Variants in SLC26A8 observed in about 807,000 individuals in gnomAD.
The protein encoded by SLC26A8 is solute carrier family 26 member 8, also known as testis anion transporter 1.
Under a neutral mutation model 105.0 loss-of-function variants are expected in SLC26A8, and 70 were observed. That is an observed-to-expected ratio of 0.67 (90% confidence interval 0.55 to 0.81). The LOEUF (loss-of-function observed/expected upper bound fraction) is 0.81, where lower values mean the gene tolerates loss of function less well. SLC26A8 is among the 40% of genes least tolerant of loss of function. SLC26A8 has a pLI of 0.00. For missense variants in SLC26A8, 998 were observed against 1,181.8 expected (o/e 0.84, Z 2.28); for synonymous variants, 415 against 438.3 (o/e 0.95, Z 0.66).
At chr6:35,998,800 G>A (rs539813464) in intron 4 of SLC26A8, among the ~76,000 whole-genome samples, 1 of 152,206 alleles carries the variant, frequency 6.6e-6, no homozygotes, top group South Asian at 2.1e-4. Context: ...TCAGAAACTT[G>A]GAAATATAGG....
At position 35,955,166 on chromosome 6, in the gene SLC26A8, C is replaced by T; in HGVS notation, c.2218G>A (p.Val740Ile). 1.2e-6 allele frequency: 2 copies of T among 1,614,118 alleles called. No individual in the cohort carries two copies. Among genetic ancestry groups the T allele is most frequent in the Non-Finnish European group, 1.7e-6 (2 of 1,180,026 alleles). ...TCAGTACTTACCTGTCTTAATACGA[C>T]TAACCCCCGTGAATCCACGTAGTGT... ...MVHYVDSRGL[V>I]VLRQICNAFQ... Residue 740 changes from valine to isoleucine, a missense_variant, in exon 17 of 20, where the codon GTC becomes ATC. Val to Ile is a conservative substitution (Grantham distance 29, BLOSUM62 3). Transcript: ENST00000490799.
At chr6:35,948,914 C>T (rs1771766128) in intron 19 of SLC26A8, among the ~76,000 whole-genome samples, 1 of 152,176 alleles carries the variant, frequency 6.6e-6, no homozygotes, top group Non-Finnish European at 1.5e-5. Context: ...CCCTTTTGTC[C>T]TTCCACCTTC....
chr6:36,013,986 T>C (rs1048673268), intron 2 of SLC26A8, among the ~76,000 whole-genome samples: 2 of 152,248 alleles, frequency 1.3e-5, no homozygotes, highest in African/African-American at 4.8e-5. Flanking sequence ...CTCAGTGTTC[T>C]AGCCACTCTC....
chr6:35,967,070 A>G (rs984870100), intron 11 of SLC26A8, among the ~76,000 whole-genome samples: 5 of 152,212 alleles, frequency 3.3e-5, no homozygotes, highest in Non-Finnish European at 7.3e-5. Flanking sequence ...TGCTGTAGAA[A>G]CTGAATTCTG....
intron 7 of SLC26A8, among the ~76,000 whole-genome samples, chr6:35,988,186 T>C (rs900239467): frequency 5.9e-5 from 9 of 152,006 alleles, no homozygotes; most frequent in Non-Finnish European, 1.2e-4. Context: ...GCTGAGATTA[T>C]AGGCGTGAGC....
chr6:35,962,151 G>C (rs1464911834), intron 12 of SLC26A8, among the ~76,000 whole-genome samples: 1 of 151,944 alleles, frequency 6.6e-6, no homozygotes, highest in Non-Finnish European at 1.5e-5. Flanking sequence ...ACTTGAACCC[G>C]GGAGGCGGAG....
At chr6:36,018,255 A>G (rs1432518014) in intron 2 of SLC26A8, among the ~76,000 whole-genome samples, 3 of 152,256 alleles carry the variant, frequency 2.0e-5, no homozygotes, top group Admixed American at 1.3e-4. Context: ...GGCGGTAGAA[A>G]CAACTCAAAT....
Position 35,955,501 on chromosome 6 carries a change from A to T in SLC26A8, c.1883T>A (p.Phe628Tyr). The change falls in exon 17 of 20, where the codon TTT (phenylalanine) becomes TAT (tyrosine). Residue 628 changes from phenylalanine to tyrosine, a missense_variant. Physicochemically the swap from Phe to Tyr is conservative, Grantham distance 22 (BLOSUM62 3). Coordinates refer to ENST00000490799, the MANE Select transcript of SLC26A8 (RefSeq NM_052961.4). ...PLPRILYTERFENKLDPEASS... is the reference protein window; with the variant it reads ...PLPRILYTERYENKLDPEASS... ...TGCTTCGGGATCCAGTTTATTTTCAAATCGCTCTGTGTAAAGAATCTGGGA... is the reference window on the plus strand; with the variant it reads ...TGCTTCGGGATCCAGTTTATTTTCATATCGCTCTGTGTAAAGAATCTGGGA... 1 of 1,614,078 alleles carries T rather than the reference A, an allele frequency of 6.2e-7. No individual in the cohort carries two copies. Among genetic ancestry groups the T allele is most frequent in the East Asian group, 2.2e-5 (1 of 44,878 alleles).
intron 5 of SLC26A8, among the ~76,000 whole-genome samples, chr6:35,996,968 G>T (rs892681760): frequency 2.3e-4 from 35 of 151,976 alleles, no homozygotes; most frequent in African/African-American, 8.0e-4. Flanking sequence ...CTGGGAGGCG[G>T]AGATTGCAGT....
At chr6:35,962,327 T>G (rs749724238) in intron 12 of SLC26A8, among the ~76,000 whole-genome samples, 199 bp downstream of exon 12, 2 of 152,358 alleles carry the variant, frequency 1.3e-5, no homozygotes, top group Middle Eastern at 3.4e-3. Flanking sequence ...CATTTAATTT[T>G]GCATAGTTGG....
At chr6:35,976,938 A>C (rs1175545877) in intron 9 of SLC26A8, among the ~76,000 whole-genome samples, 2 of 152,128 alleles carry the variant, frequency 1.3e-5, no homozygotes, top group Non-Finnish European at 2.9e-5. Context: ...AAAATTAAGA[A>C]AAGTGAAACT....
chr6:35,994,808 C>T (rs146281534), intron 5 of SLC26A8, among the ~76,000 whole-genome samples: 420 of 152,162 alleles, frequency 2.8e-3, no homozygotes, highest in African/African-American at 9.5e-3. Context: ...AACTCCTGAC[C>T]TCAAGTGATC....
chr6:35,977,502 C>T, intron 8 of SLC26A8, 151 bp from the exon 9 acceptor site: 1 of 766,902 alleles, frequency 1.3e-6, no homozygotes, highest in African/African-American at 1.8e-5. Flanking sequence ...AGCAGCCTGC[C>T]AAAACTGCCA....
At chr6:35,983,929 T>C (rs548388037) in intron 7 of SLC26A8, among the ~76,000 whole-genome samples, 3 of 152,292 alleles carry the variant, frequency 2.0e-5, no homozygotes, top group African/African-American at 7.2e-5. Flanking sequence ...AGTAATTTCT[T>C]TGTGGGTGCT....
intron 11 of SLC26A8, among the ~76,000 whole-genome samples, chr6:35,965,496 A>G (rs1310069773): frequency 6.6e-6 from 1 of 151,804 alleles, no homozygotes; most frequent in African/African-American, 2.4e-5. Context: ...CCTGACCAAC[A>G]TGGAGAAACC....
At position 35,982,181 on chromosome 6, in the gene SLC26A8, G is replaced by A; in HGVS notation, c.965C>T (p.Ala322Val). The change falls in exon 8 of 20, where the codon GCA (alanine) becomes GTA (valine). Residue 322 changes from alanine (A) to valine (V), a missense_variant. By Grantham distance (64) the Ala-to-Val change is moderately conservative. Transcript: ENST00000490799. ...LFLIIGFTVIANKISMATETS... is the reference protein window; with the variant it reads ...LFLIIGFTVIVNKISMATETS... ...TTCTGTGGCCATGCTTATCTTGTTT[G>A]CAATCACAGTGAAGCCAATAATCTG... 1.2e-6 allele frequency: 2 copies of A among 1,614,032 alleles called. No homozygotes were observed. Among genetic ancestry groups the A allele is most frequent in the Non-Finnish European group, 1.7e-6 (2 of 1,180,014 alleles).
intron 16 of SLC26A8, among the ~76,000 whole-genome samples, chr6:35,958,326 CCCGATCTCTACTAAAAATACAAAATTAG>C (rs1772173008): frequency 6.6e-6 from 1 of 151,792 alleles, no homozygotes; most frequent in Non-Finnish European, 1.5e-5. Context: ...ATGGTGAAAC[CCCGATCTCTACTAAAAATACAAAATTAG>C]CCAGGCATGG....
intron 3 of SLC26A8, among the ~76,000 whole-genome samples, chr6:36,002,896 G>T (rs1209674430): frequency 1.3e-5 from 2 of 151,918 alleles, no homozygotes; most frequent in Admixed American, 6.6e-5. Context: ...TAGAGACGGG[G>T]TTTCACCATG....
At chr6:35,973,980 C>A (rs1163449188) in intron 10 of SLC26A8, among the ~76,000 whole-genome samples, 1 of 152,210 alleles carries the variant, frequency 6.6e-6, no homozygotes, top group Non-Finnish European at 1.5e-5. Context: ...GATGGGACAC[C>A]TCTCAGGTTA....
Sources: allele counts gnomAD v4.1 joint callset (sites outside exome capture counted in the v4.1 genomes callset), GRCh38; gene constraint gnomAD v4.1.1; transcripts MANE v1.5; gene names NCBI Gene and HGNC (gene_info 2026-07-23, HGNC 2026-07-21).